CFI: variants seen among roughly 807,000 people sequenced by gnomAD.
CFI encodes complement factor I.
CFI carries 66 observed loss-of-function variants against 78.8 expected under a neutral mutation model. That is an observed-to-expected ratio of 0.84 (90% CI 0.69 to 1.03). CFI has a LOEUF of 1.03. CFI is among the 50% of genes least tolerant of loss of function. The probability of loss-of-function intolerance (pLI) is 0.00; values close to 1 mark genes in which losing one functional copy is unlikely to be tolerated. For missense variants in CFI, 706 were observed against 704.5 expected, an observed-to-expected ratio of 1.00 and a Z score of -0.02; for synonymous variants, 250 against 232.6, an observed-to-expected ratio of 1.07 and a Z score of -0.68.
intron 10 of CFI, 82 bp from the exon 11 acceptor site, chr4:109,746,584 C>G (rs1229377305): frequency 8.1e-7 from 1 of 1,232,234 alleles, no homozygotes; most frequent in Non-Finnish European, 1.1e-6. Flanking sequence ...TTATATTTTT[C>G]CCTTTTAAAA....
At chr4:109,778,508 G>C (rs1729572252) in intron 1 of CFI, among the ~76,000 whole-genome samples, 1 of 151,968 alleles carries the variant, frequency 6.6e-6, no homozygotes, top group South Asian at 2.1e-4. Context: ...CAACCAAAAA[G>C]AGTCCAGGAC....
At chr4:109,798,396 C>A (rs1164369556) in intron 1 of CFI, among the ~76,000 whole-genome samples, 1 of 152,084 alleles carries the variant, frequency 6.6e-6, no homozygotes, top group Non-Finnish European at 1.5e-5. Context: ...ACGTTTATGG[C>A]ATATGTTGTG....
chr4:109,737,934 C>T (rs1291157858), downstream of CFI, among the ~76,000 whole-genome samples: 3 of 152,064 alleles, frequency 2.0e-5, no homozygotes, highest in Non-Finnish European at 4.4e-5. Context: ...CACATAGAGT[C>T]GCTTCAGAGG....
intron 1 of CFI, among the ~76,000 whole-genome samples, chr4:109,790,508 G>T (rs536496979): frequency 6.6e-6 from 1 of 152,010 alleles, no homozygotes; most frequent in Non-Finnish European, 1.5e-5. Flanking sequence ...TGTCATGGGG[G>T]TTTGTTGTAC....
chr4:109,758,881 C>T (rs1726655960), intron 6 of CFI, among the ~76,000 whole-genome samples: 1 of 152,118 alleles, frequency 6.6e-6, no homozygotes, highest in Non-Finnish European at 1.5e-5. Flanking sequence ...TCACTTGAGG[C>T]CAAGAGTTCG....
rs1267847171 is a variant in CFI at position 109,753,576 on chromosome 4, A to G, written c.905-1073T>C. Reference sequence around the variant, plus strand: ...TTATATAAATAAATATTTATAATATATATTTATTATATAAATAAATATTTA... The same window carrying G: ...TTATATAAATAAATATTTATAATATGTATTTATTATATAAATAAATATTTA... On this transcript the variant is annotated intron_variant, in intron 7 of 12. Transcript: ENST00000394634. Among the ~76,000 whole-genome samples, 7 of 37,922 alleles carry G rather than the reference A, an allele frequency of 1.8e-4. 1 individual carries two copies. The South Asian group carries it at 7.3e-3, about 40-fold the overall frequency. 24.9% of individuals were successfully genotyped at this position (37,922 alleles called of 152,430 possible).
In CFI at chr4:109,766,605, A is replaced by G; in HGVS notation, c.277T>C (p.Cys93Arg). Reference protein sequence around the residue: ...PTYCQQKSLECLHPGTKFLNN... With the variant: ...PTYCQQKSLERLHPGTKFLNN... ...AAAAACTTTGTCCCTGGATGAAGACATTCCAAACTCTTTTGTTGACAGTAT... is the reference window on the plus strand; with the variant it reads ...AAAAACTTTGTCCCTGGATGAAGACGTTCCAAACTCTTTTGTTGACAGTAT... The change falls in exon 2 of 13, where the codon TGT (cysteine) becomes CGT (arginine). Residue 93 changes from cysteine to arginine, a missense_variant. Cys to Arg is a radical substitution (Grantham distance 180). Transcript: ENST00000394634. The G allele has an allele frequency of 1.9e-6, 3 of 1,614,200 alleles. No homozygotes were observed. The highest frequency in any genetic ancestry group is 1.6e-4 in the Middle Eastern group (1 of 6,062).
chr4:109,748,623 T>A (rs1477183947), intron 10 of CFI, among the ~76,000 whole-genome samples: 1 of 151,912 alleles, frequency 6.6e-6, no homozygotes, highest in African/African-American at 2.4e-5. Flanking sequence ...TATATGAAGG[T>A]CCCTTTGCAG....
intron 9 of CFI, 78 bp from the exon 10 acceptor site, chr4:109,749,399 G>T: frequency 6.7e-7 from 1 of 1,492,028 alleles, no homozygotes; most frequent in Non-Finnish European, 9.4e-7. Flanking sequence ...TCCATGGCAA[G>T]ACTCCCAGTC....
At chr4:109,786,787 A>G (rs1579299828) in intron 1 of CFI, among the ~76,000 whole-genome samples, 1 of 152,258 alleles carries the variant, frequency 6.6e-6, no homozygotes, top group East Asian at 1.9e-4. Flanking sequence ...CAGATGAAAA[A>G]TACATGGGAA....
intron 1 of CFI, among the ~76,000 whole-genome samples, chr4:109,771,876 G>C (rs1736679266): frequency 6.6e-6 from 1 of 152,052 alleles, no homozygotes; most frequent in Admixed American, 6.6e-5. Flanking sequence ...ATAGGCTAAG[G>C]GGAGGAATTT....
intron 7 of CFI, among the ~76,000 whole-genome samples, chr4:109,756,953 G>GA (rs982916942): frequency 2.2e-5 from 3 of 138,926 alleles, no homozygotes; most frequent in Admixed American, 7.1e-5. Flanking sequence ...AAGAAAGAAA[G>GA]AAAGAAAGAA....
chr4:109,754,332 G>T (rs1414794625), intron 7 of CFI, among the ~76,000 whole-genome samples: 1 of 150,878 alleles, frequency 6.6e-6, no homozygotes, highest in Non-Finnish European at 1.5e-5. Flanking sequence ...CTAGCCAAGG[G>T]AGTCCTGAGC....
intron 3 of CFI, among the ~76,000 whole-genome samples, chr4:109,763,647 A>G (rs1385507394): frequency 6.6e-6 from 1 of 152,078 alleles, no homozygotes; most frequent in Non-Finnish European, 1.5e-5. Context: ...GAAATAGAGA[A>G]AGATCTAAAC....
intron 1 of CFI, among the ~76,000 whole-genome samples, chr4:109,777,492 G>C (rs1729410282): frequency 6.6e-6 from 1 of 152,086 alleles, no homozygotes; most frequent in African/African-American, 2.4e-5. Flanking sequence ...CAAGTCCTTA[G>C]AGACCTACAA....
intron 3 of CFI, among the ~76,000 whole-genome samples, chr4:109,763,605 A>G (rs1017168078): frequency 2.0e-5 from 3 of 152,126 alleles, no homozygotes; most frequent in Non-Finnish European, 4.4e-5. Context: ...AACATGCTTA[A>G]AATCTAAAGA....
At chr4:109,757,807 T>A (rs770183484) in intron 6 of CFI, 24 bp from the exon 7 acceptor site, 3 of 1,380,586 alleles carry the variant, frequency 2.2e-6, no homozygotes, top group Admixed American at 4.3e-5. Context: ...AAACAAAAAA[T>A]TTATCAAAGG....
downstream of CFI, among the ~76,000 whole-genome samples, chr4:109,740,057 G>A (rs1162221369): frequency 6.6e-6 from 1 of 152,154 alleles, no homozygotes; most frequent in African/African-American, 2.4e-5. Flanking sequence ...ACTTTGGGAG[G>A]CCAAGGTGGG....
intron 1 of CFI, among the ~76,000 whole-genome samples, chr4:109,772,235 T>G (rs1333199084): frequency 1.3e-5 from 2 of 152,232 alleles, no homozygotes; most frequent in Non-Finnish European, 2.9e-5. Context: ...GTAGCTTTAA[T>G]TTAAAAGAAT....
Sources: gnomAD v4.1 joint callset for allele counts (sites outside exome capture counted in the v4.1 genomes callset) on GRCh38, gnomAD v4.1.1 for gene constraint, MANE v1.5 for transcripts, NCBI Gene and HGNC (gene_info 2026-07-23, HGNC 2026-07-21) for gene names.